The following ZC3H8 variants were observed in gnomAD, a reference collection of about 807,000 sequenced individuals.
The protein encoded by ZC3H8 is zinc finger CCCH-type containing 8.
A neutral mutation model predicts 42.5 loss-of-function variants in ZC3H8; 27 were observed. The ratio of observed to expected loss-of-function variants is 0.64; its 90% confidence interval spans 0.47 to 0.88. The LOEUF (loss-of-function observed/expected upper bound fraction) is 0.88. Among genes scored for constraint, ZC3H8 ranks in the 40% least tolerant of loss-of-function variants. The probability of loss-of-function intolerance (pLI) is 0.00; values close to 1 mark genes in which losing one functional copy is unlikely to be tolerated. For missense variants in ZC3H8, 277 were observed against 336.1 expected, an observed-to-expected ratio of 0.82 and a Z score of 1.37; for synonymous variants, 101 against 110.1, an observed-to-expected ratio of 0.92 and a Z score of 0.52.
chr2:112,247,797 C>G (rs888172339), intron 2 of ZC3H8, among the ~76,000 whole-genome samples: 1 of 152,018 alleles, frequency 6.6e-6, no homozygotes, highest in Non-Finnish European at 1.5e-5. Context: ...ATATATAATA[C>G]GAAGTCTGGA....
chr2:112,218,430 T>TA (rs1684425402), intron 8 of ZC3H8, among the ~76,000 whole-genome samples: 1 of 152,128 alleles, frequency 6.6e-6, no homozygotes, highest in Non-Finnish European at 1.5e-5. Flanking sequence ...TTTATCATGT[T>TA]AAAAAAGTAT....
Position 112,238,499 on chromosome 2 carries a change from A to G in ZC3H8, c.186T>C (p.Ser62=), listed in dbSNP as rs759761854. Residue 62 remains serine (S), a synonymous_variant, in exon 3 of 9, where the codon AGT becomes AGC. Coordinates refer to ENST00000409573, the MANE Select transcript of ZC3H8 (RefSeq NM_032494.3). ...KFRHSAISPK[S]SLHRKSRSKD... ...TACTTCTTGATTTTCTATGCAGCGA[A>G]CTTTTTGGTGATATTGCAGAGTGTC... The G allele has an allele frequency of 3.1e-6, 5 of 1,611,464 alleles. No individual in the cohort carries two copies. Among genetic ancestry groups the G allele is most frequent in the Non-Finnish European group, 4.2e-6 (5 of 1,179,666 alleles).
At chr2:112,247,412 T>A (rs1272136764) in intron 2 of ZC3H8, among the ~76,000 whole-genome samples, 3 of 151,996 alleles carry the variant, frequency 2.0e-5, no homozygotes, top group East Asian at 3.9e-4. Flanking sequence ...CCATCTCTAC[T>A]AAAAATACAA....
intron 8 of ZC3H8, among the ~76,000 whole-genome samples, chr2:112,225,950 C>T (rs555363376): frequency 3.1e-4 from 47 of 151,804 alleles, no homozygotes; most frequent in African/African-American, 7.5e-4. Context: ...GGTGTGGTGG[C>T]GCACACCTGT....
chr2:112,242,361 T>C (rs1010627532), intron 2 of ZC3H8, among the ~76,000 whole-genome samples: 3 of 152,228 alleles, frequency 2.0e-5, no homozygotes, highest in African/African-American at 4.8e-5. Context: ...TATTGGAACA[T>C]AGGCATACTC....
Position 112,238,374 on chromosome 2 carries a change from G to T in ZC3H8, c.311C>A (p.Ala104Glu), listed in dbSNP as rs374082686. Residue 104 changes from alanine (A) to glutamate (E), a missense_variant, in exon 3 of 9, where the codon GCA becomes GAA. Ala to Glu is a moderately radical substitution (Grantham distance 107). Transcript: ENST00000409573. The stretch of plus-strand genomic sequence containing the variant: ...AGATTCTTCAGGTTGAGCAGCATTT[G>T]CCATTTCTCTGGCTTGTATGTACTG... ...LQQYIQAREM[A>E]NAAQPEESTK... is the part of the protein sequence containing the mutation. 97 of 1,613,504 alleles carry T rather than the reference G, an allele frequency of 6.0e-5. No homozygotes were observed. Among genetic ancestry groups the T allele is most frequent in the East Asian group, 2.2e-5 (1 of 44,876 alleles).
rs993705880 is a variant in ZC3H8, at chr2:112,231,054, T to C, written c.844-104A>G. 8 of 751,940 alleles carry C rather than the reference T, an allele frequency of 1.1e-5. No homozygotes were observed. The African/African-American group carries it at 1.5e-4, about 14-fold the overall frequency. The allele number at this position is 751,940 out of a possible 1,614,324, so 46.6% of individuals were successfully genotyped here. ...CAAATGATTCCAATCAAATTCATCC[T>C]AATAATCATCTAATATTATTTACTA... On this transcript the variant is annotated intron_variant, in intron 7 of 8. Transcript: ENST00000409573.
intron 2 of ZC3H8, among the ~76,000 whole-genome samples, chr2:112,241,447 C>T (rs184026131): frequency 2.7e-4 from 41 of 152,304 alleles, no homozygotes; most frequent in Non-Finnish European, 5.0e-4. Context: ...AGACCCCCCC[C>T]TCAAGGGCCT....
intron 1 of ZC3H8, among the ~76,000 whole-genome samples, chr2:112,252,960 G>A (rs1686004913): frequency 1.3e-5 from 2 of 152,096 alleles, no homozygotes; most frequent in Non-Finnish European, 1.5e-5. Flanking sequence ...TGTCTAACAT[G>A]GTGAAACCCC....
At chr2:112,247,051 G>A (rs182089696) in intron 2 of ZC3H8, among the ~76,000 whole-genome samples, 1 of 152,260 alleles carries the variant, frequency 6.6e-6, no homozygotes, top group African/African-American at 2.4e-5. Flanking sequence ...TAGCAACAAA[G>A]AATTTTTAAT....
At chr2:112,222,549 T>C (rs1480685399) in intron 8 of ZC3H8, among the ~76,000 whole-genome samples, 1 of 151,880 alleles carries the variant, frequency 6.6e-6, no homozygotes, top group Non-Finnish European at 1.5e-5. Context: ...AAATACTATA[T>C]GATTTCACTT....
intron 8 of ZC3H8, among the ~76,000 whole-genome samples, chr2:112,230,022 T>A (rs535292002): frequency 6.7e-6 from 1 of 148,916 alleles, no homozygotes; most frequent in African/African-American, 2.5e-5. Context: ...AAGAATTATA[T>A]AAGGAATATA....
intron 2 of ZC3H8, among the ~76,000 whole-genome samples, chr2:112,242,521 A>G (rs1404879597): frequency 2.6e-5 from 4 of 152,180 alleles, no homozygotes; most frequent in African/African-American, 4.8e-5. Context: ...ACCTCATGCT[A>G]TTTAATTTTT....
At chr2:112,233,237 C>T in intron 6 of ZC3H8, 23 bp downstream of exon 6, 1 of 1,311,500 alleles carries the variant, frequency 7.6e-7, no homozygotes, top group South Asian at 1.3e-5. Flanking sequence ...TATAAAGTCA[C>T]CATATCTTGT....
chr2:112,236,827 G>T, intron 3 of ZC3H8, 132 bp from the exon 4 acceptor site: 1 of 843,280 alleles, frequency 1.2e-6, no homozygotes, highest in Non-Finnish European at 1.8e-6. Flanking sequence ...CAGGAGGACT[G>T]CTCAAAGCTA....
chr2:112,217,882 CTTTG>C (rs779519107), intron 8 of ZC3H8, among the ~76,000 whole-genome samples: 2 of 152,060 alleles, frequency 1.3e-5, no homozygotes, highest in South Asian at 2.1e-4. Flanking sequence ...GGTTTTGTTT[CTTTG>C]TTTGGGTTTG....
chr2:112,234,329 C>T, intron 4 of ZC3H8, 93 bp from the exon 5 acceptor site: 3 of 962,022 alleles, frequency 3.1e-6, no homozygotes, highest in East Asian at 2.8e-5. Context: ...AACTTCAGAG[C>T]CTTAAAGGTG....
At chr2:112,232,495 T>C (rs1033180933) in intron 6 of ZC3H8, among the ~76,000 whole-genome samples, 1 of 152,086 alleles carries the variant, frequency 6.6e-6, no homozygotes, top group Non-Finnish European at 1.5e-5. Context: ...ATTCTTATAA[T>C]AGAGTACAGG....
intron 2 of ZC3H8, 77 bp downstream of exon 2, chr2:112,250,113 CT>C (rs1685896170): frequency 6.4e-6 from 7 of 1,085,700 alleles, no homozygotes; most frequent in South Asian, 1.6e-5. Context: ...TCTGTTTTTT[CT>C]TTTTTTGTTG....
Sources: gnomAD v4.1 joint callset for allele counts (sites outside exome capture counted in the v4.1 genomes callset) on GRCh38, gnomAD v4.1.1 for gene constraint, MANE v1.5 for transcripts, NCBI Gene and HGNC (gene_info 2026-07-23, HGNC 2026-07-21) for gene names.